Variants in USH2A observed in about 807,000 individuals in gnomAD.
USH2A encodes usherin, also known as Usher syndrome 2A (autosomal recessive, mild).
USH2A carries 443 observed loss-of-function variants against 538.9 expected under a neutral mutation model. The observed-to-expected ratio is 0.82, with a 90% CI of 0.76 to 0.89. The LOEUF (loss-of-function observed/expected upper bound fraction) is 0.89. Ranked by LOEUF, USH2A falls within the 40% of genes least tolerant of loss-of-function variation. USH2A has a pLI of 0.00. For synonymous variants in USH2A, 2,413 were observed against 2,273.5 expected, an observed-to-expected ratio of 1.06 and a Z score of -1.75; for missense variants, 6,633 against 6,324.8, an observed-to-expected ratio of 1.05 and a Z score of -1.65.
At chr1:215,782,996 T>A in intron 52 of USH2A, 61 bp from the exon 53 acceptor site, 1 of 1,479,228 alleles carries the variant, frequency 6.8e-7, no homozygotes, top group Non-Finnish European at 9.2e-7. Flanking sequence ...ACCATCATAT[T>A]AAAAGTGAAT....
intron 20 of USH2A, among the ~76,000 whole-genome samples, chr1:216,184,740 A>T (rs2034563639): frequency 6.6e-6 from 1 of 152,018 alleles, no homozygotes; most frequent in African/African-American, 2.4e-5. Flanking sequence ...TTAACATATT[A>T]AGAGTGCTTG....
At chr1:215,977,622 C>T (rs1667652562) in intron 35 of USH2A, among the ~76,000 whole-genome samples, 1 of 152,084 alleles carries the variant, frequency 6.6e-6, no homozygotes. Flanking sequence ...AAGCGATTCC[C>T]TTGCCTCAGC....
chr1:215,790,036 C>G (rs1475229737), intron 51 of USH2A, 23 bp downstream of exon 51: 1 of 1,608,362 alleles, frequency 6.2e-7, no homozygotes, highest in South Asian at 1.1e-5. Flanking sequence ...ATCAGCGCCT[C>G]CGAGAGCTTT....
intron 9 of USH2A, among the ~76,000 whole-genome samples, chr1:216,306,620 T>C (rs867478681): frequency 3.4e-4 from 52 of 152,210 alleles, no homozygotes; most frequent in African/African-American, 1.3e-3. Flanking sequence ...TTCAGGTTGC[T>C]TTTCATTTGG....
At chr1:215,639,015 A>T (rs560419547) in intron 69 of USH2A, 140 bp downstream of exon 69, 5 of 880,702 alleles carry the variant, frequency 5.7e-6, no homozygotes, top group Non-Finnish European at 9.1e-6. Context: ...AAAAAAAAAA[A>T]CTCTGACAAC....
intron 65 of USH2A, 139 bp from the exon 66 acceptor site, chr1:215,648,905 C>CA (rs950218331): frequency 2.4e-6 from 2 of 838,432 alleles, no homozygotes; most frequent in East Asian, 4.9e-5. Flanking sequence ...TTTAGCATGA[C>CA]ATTTATCCTC....
At chr1:215,702,982 G>A (rs138168751) in intron 61 of USH2A, among the ~76,000 whole-genome samples, 29 of 152,100 alleles carry the variant, frequency 1.9e-4, no homozygotes, top group Middle Eastern at 3.4e-3. Context: ...GGTGACCTTC[G>A]GATGGGGTTG....
At chr1:216,146,163 G>T (rs369940633) in intron 21 of USH2A, among the ~76,000 whole-genome samples, 1 of 152,230 alleles carries the variant, frequency 6.6e-6, no homozygotes, top group East Asian at 1.9e-4. Flanking sequence ...TCCTCAGACC[G>T]ACCAGCCCAA....
chr1:215,639,310 G>C, intron 68 of USH2A, 72 bp from the exon 69 acceptor site: 4 of 1,392,722 alleles, frequency 2.9e-6, no homozygotes, highest in Non-Finnish European at 4.1e-6. Flanking sequence ...GCTTTTAAAA[G>C]AGCAATGCAT....
chr1:215,816,992 C>T lies in USH2A; in HGVS notation c.9570+5G>A, dbSNP rs1662876091. On this transcript the variant is annotated splice_donor_5th_base_variant and intron_variant, in intron 48 of 71. Coordinates refer to ENST00000307340, the MANE Select transcript of USH2A (RefSeq NM_206933.4). Reference sequence around the variant, plus strand: ...TGGTTCACTGATTAGTTAGAAAAGACTTACCTTAGCTTCAGAAGAATAGCA... The same window carrying T: ...TGGTTCACTGATTAGTTAGAAAAGATTTACCTTAGCTTCAGAAGAATAGCA... The T allele has an allele frequency of 1.2e-6, 2 of 1,611,974 alleles. No homozygotes were observed. The highest frequency in any genetic ancestry group is 1.7e-5 in the Admixed American group (1 of 59,874).
intron 30 of USH2A, among the ~76,000 whole-genome samples, chr1:216,054,185 G>C (rs2030893135): frequency 6.6e-6 from 1 of 152,162 alleles, no homozygotes; most frequent in African/African-American, 2.4e-5. Flanking sequence ...CAGACTGTTA[G>C]CTCCACTCGG....
Position 216,137,460 on chromosome 1 carries a change from A to G in USH2A, c.4627+37792T>C, listed in dbSNP as rs576265476. 3.9e-5 allele frequency among the ~76,000 whole-genome samples: 6 copies of G among 152,284 alleles called. No individual in the cohort carries two copies. The South Asian group carries it at 1.0e-3, about 26-fold the overall frequency. ...TCAGATCTCATGAAATTTATTCACT[A>G]TCATGAGAATATCATGTAAAAGAGT... On this transcript the variant is annotated intron_variant, in intron 21 of 71. Transcript: ENST00000307340.
At position 216,175,334 on chromosome 1, in the gene USH2A, C is replaced by G; in HGVS notation, c.4545G>C (p.Thr1515=). ...RESSLPALMT[T]MMKGIRFIGN... is the part of the protein sequence containing the mutation. ...CTATGAAACGGATTCCTTTCATCATCGTGGTCATCAGAGCTGGTAGAGATG... is the reference window on the plus strand; with the variant it reads ...CTATGAAACGGATTCCTTTCATCATGGTGGTCATCAGAGCTGGTAGAGATG... The change falls in exon 21 of 72, where the codon ACG becomes ACC. Residue 1515 remains threonine, a synonymous_variant. Coordinates refer to ENST00000307340, the MANE Select transcript of USH2A (RefSeq NM_206933.4). The G allele has an allele frequency of 6.2e-7, 1 of 1,613,772 alleles. No individual in the cohort carries two copies. Among genetic ancestry groups the G allele is most frequent in the African/African-American group, 1.3e-5 (1 of 75,026 alleles).
chr1:215,859,591 A>T (rs1175255048), intron 44 of USH2A, among the ~76,000 whole-genome samples: 1 of 152,138 alleles, frequency 6.6e-6, no homozygotes, highest in Non-Finnish European at 1.5e-5. Flanking sequence ...CCAACTTTTC[A>T]TATACATGGA....
chr1:216,362,217 T>C (rs1158701375), intron 4 of USH2A, among the ~76,000 whole-genome samples: 1 of 152,170 alleles, frequency 6.6e-6, no homozygotes. Flanking sequence ...TACAACATAA[T>C]ATTCTTAACA....
At chr1:215,872,607 A>G (rs1664652614) in intron 43 of USH2A, among the ~76,000 whole-genome samples, 1 of 152,290 alleles carries the variant, frequency 6.6e-6, no homozygotes, top group East Asian at 1.9e-4. Context: ...ACCTCCTGTG[A>G]CAAAACACAT....
intron 3 of USH2A, among the ~76,000 whole-genome samples, chr1:216,386,488 AAAACAAACAAACAAACAAAC>A (rs71161420): frequency 2.2e-5 from 3 of 134,914 alleles, no homozygotes; most frequent in East Asian, 2.2e-4. Flanking sequence ...TCGTCTCAAA[AAAACAAACAAACAAACAAAC>A]AAACAAACAA....
intron 61 of USH2A, among the ~76,000 whole-genome samples, chr1:215,689,807 C>T (rs1235282261): frequency 6.6e-6 from 1 of 152,162 alleles, no homozygotes; most frequent in African/African-American, 2.4e-5. Context: ...AAATGTTTCT[C>T]CATTCAAACC....
chr1:215,662,924 A>T (rs1351993862), intron 64 of USH2A, among the ~76,000 whole-genome samples: 1 of 152,210 alleles, frequency 6.6e-6, no homozygotes, highest in Non-Finnish European at 1.5e-5. Context: ...TAGAAAAGAG[A>T]TGGGGTAAGG....
Sources: gnomAD v4.1 joint callset for allele counts (sites outside exome capture counted in the v4.1 genomes callset) on GRCh38, gnomAD v4.1.1 for gene constraint, MANE v1.5 for transcripts, NCBI Gene and HGNC (gene_info 2026-07-23, HGNC 2026-07-21) for gene names.